The following FOXL2NB variants were observed in gnomAD, a reference collection of about 807,000 sequenced individuals.
FOXL2NB encodes FOXL2 neighbor, also known as FOXL2 neighbor protein.
FOXL2NB carries 10 observed loss-of-function variants against 7.4 expected under a neutral mutation model. The observed-to-expected ratio is 1.34, with a 90% CI of 0.83 to 2.28. The LOEUF (loss-of-function observed/expected upper bound fraction) is 2.28. Ranked by LOEUF, FOXL2NB falls within the 30% of genes most tolerant of loss-of-function variation. FOXL2NB has a pLI of 0.00. For synonymous variants in FOXL2NB, 104 were observed against 105.3 expected (o/e 0.99, Z 0.08); for missense variants, 228 against 233.9 (o/e 0.97, Z 0.17).
In FOXL2NB at chr3:138,950,291, A is replaced by C. The variant is rs1213882943; in HGVS notation, c.247A>C (p.Lys83Gln). ...GCCGGGAATCCTGCAACAGCGGCAG[A>C]AGCCGCCCGCGCCTCGGGCTTCCGG... ...TGPGILQQRQ[K>Q]PPAPRASGGP... is the part of the protein sequence containing the mutation. The change falls in exon 3 of 3, where the codon AAG becomes CAG. Residue 83 changes from lysine (K) to glutamine (Q), a missense_variant. Physicochemically the swap from Lys to Gln is moderately conservative, Grantham distance 53 (BLOSUM62 1). Transcript: ENST00000383165. 6.2e-7 allele frequency: 1 copy of C among 1,605,518 alleles called. No individual in the cohort carries two copies. Among genetic ancestry groups the C allele is most frequent in the Non-Finnish European group, 8.5e-7 (1 of 1,177,896 alleles).
chr3:138,948,675 G>A (rs1936046467), intron 1 of FOXL2NB, among the ~76,000 whole-genome samples: 1 of 152,164 alleles, frequency 6.6e-6, no homozygotes, highest in Non-Finnish European at 1.5e-5. Flanking sequence ...GACTCTGAGG[G>A]TTCTCCTGAA....
Position 138,949,549 on chromosome 3 carries a change from C to A in FOXL2NB, c.130C>A (p.Pro44Thr). 2 of 1,614,130 alleles carry A rather than the reference C, an allele frequency of 1.2e-6. No homozygotes were observed. Among genetic ancestry groups the A allele is most frequent in the Middle Eastern group, 3.3e-4 (2 of 6,060 alleles). The part of the protein sequence containing the change: ...ESPALVKKRM[P>T]DACTLGRAGI... ...CCCAGCCCTGGTGAAGAAGAGGATG[C>A]CTGATGCGTGCACCCTGGGAAGGGC... Residue 44 changes from proline to threonine, a missense_variant, in exon 2 of 3, where the codon CCT (proline) becomes ACT (threonine). Pro to Thr is a conservative substitution (Grantham distance 38). Transcript: ENST00000383165. The surrounding 1 kb of genome is among the most constrained non-coding windows in gnomAD (Gnocchi z 4.5).
rs1477170839 is a variant in FOXL2NB, at chr3:138,952,061, T to C, written c.*1489T>C. On this transcript the variant is annotated 3_prime_UTR_variant, in exon 3 of 3. Transcript: ENST00000383165. Reference sequence around the variant, plus strand: ...GCCATTTGGGGTTATTATAGCTGCATGGCCATGGTGCTGAACCTTAGGCAA... The same window carrying C: ...GCCATTTGGGGTTATTATAGCTGCACGGCCATGGTGCTGAACCTTAGGCAA... 2 of 152,264 alleles carry C rather than the reference T, an allele frequency of 1.3e-5. No individual in the cohort carries two copies. Among genetic ancestry groups the C allele is most frequent in the Admixed American group, 6.5e-5 (1 of 15,288 alleles). The allele number at this position is 152,264 out of a possible 1,614,324, so 9.4% of individuals were successfully genotyped here. A position where few individuals can be genotyped will look rare whatever the true frequency, so the allele number is the denominator to read the frequency against.
In FOXL2NB at chr3:138,949,981, T is replaced by G; in HGVS notation, c.221-284T>G. ...ACGCAGGGCCCCCGGCTTAGTGACC[T>G]TGGGGCGGCGCTCACCTCCAAAGGC... On this transcript the variant is annotated intron_variant, in intron 2 of 2. Transcript: ENST00000383165. The surrounding 1 kb of genome is among the most constrained non-coding windows in gnomAD (Gnocchi z 4.5). 1 of 697,224 alleles carries G rather than the reference T, an allele frequency of 1.4e-6. No homozygotes were observed. Among genetic ancestry groups the G allele is most frequent in the Non-Finnish European group, 2.6e-6 (1 of 383,116 alleles). The allele number at this position is 697,224 out of a possible 1,614,324, so 43.2% of individuals were successfully genotyped here.
At chr3:138,948,070 T>C in intron 1 of FOXL2NB, 2 of 725,652 alleles carry the variant, frequency 2.8e-6, no homozygotes, top group Non-Finnish European at 3.4e-6. Context: ...ATACTGATAG[T>C]TATGTAATAT....
rs1466243869 is a variant in FOXL2NB, at chr3:138,951,335, CTGT to C, written c.*768_*770del. On this transcript the variant is annotated 3_prime_UTR_variant, in exon 3 of 3. Coordinates refer to ENST00000383165, the MANE Select transcript of FOXL2NB (RefSeq NM_001040061.3). Reference sequence around the variant, plus strand: ...AGAACTCACACATGAGAGCTGTTTCCTGTTGTTAAGTGTCTCACTGAGCTCCCC... The same window carrying C: ...AGAACTCACACATGAGAGCTGTTTCCTGTTAAGTGTCTCACTGAGCTCCCC... 1.3e-5 allele frequency: 2 copies of C among 152,226 alleles called. No homozygotes were observed. Among genetic ancestry groups the C allele is most frequent in the Non-Finnish European group, 2.9e-5 (2 of 68,090 alleles). 9.4% of individuals were successfully genotyped at this position (152,226 alleles called of 1,614,324 possible).
rs1040636139 is a variant in FOXL2NB, at chr3:138,950,246, C to T, written c.221-19C>T. On this transcript the variant is annotated intron_variant, in intron 2 of 2. Coordinates refer to ENST00000383165, the MANE Select transcript of FOXL2NB (RefSeq NM_001040061.3). ...GCGAGCAATCTACACGGCTCTGATA[C>T]AGACGCTTTTCTCCCCAGGGCCGGG... 9.4e-6 allele frequency: 15 copies of T among 1,603,644 alleles called. No homozygotes were observed. Among genetic ancestry groups the T allele is most frequent in the African/African-American group, 2.7e-5 (2 of 74,266 alleles).
chr3:138,948,953 C>G (rs1231859736), intron 1 of FOXL2NB, among the ~76,000 whole-genome samples: 2 of 152,218 alleles, frequency 1.3e-5, no homozygotes, highest in Non-Finnish European at 2.9e-5. Flanking sequence ...CTGCACCCAA[C>G]AGACATGGGG....
intron 1 of FOXL2NB, chr3:138,948,055 C>T (rs1936026554): frequency 1.2e-6 from 1 of 831,676 alleles, no homozygotes; most frequent in Non-Finnish European, 1.5e-6. Context: ...AGGTAAAACA[C>T]ACTTATACTG....
At chr3:138,948,827 G>T (rs931250) in intron 1 of FOXL2NB, among the ~76,000 whole-genome samples, 18,719 of 152,184 alleles carry the variant, frequency 0.12, 2,756 homozygotes, top group African/African-American at 0.36. Context: ...TTGGAATTCA[G>T]CATCTTGAAG....
rs1027340563 is a variant in FOXL2NB at position 138,950,997 on chromosome 3, A to G, written c.*425A>G. 4.2e-6 allele frequency: 1 copy of G among 238,840 alleles called. No homozygotes were observed. Among genetic ancestry groups the G allele is most frequent in the Non-Finnish European group, 8.1e-6 (1 of 123,726 alleles). 14.8% of individuals were successfully genotyped at this position (238,840 alleles called of 1,614,324 possible). On this transcript the variant is annotated 3_prime_UTR_variant, in exon 3 of 3. Transcript: ENST00000383165. Reference sequence around the variant, plus strand: ...ACTGGGCTGCCACCTGGGTGTTTTCATGATGGGACTGCCGCACAGACCACA... The same window carrying G: ...ACTGGGCTGCCACCTGGGTGTTTTCGTGATGGGACTGCCGCACAGACCACA...
chr3:138,950,660 G>A lies in FOXL2NB; in HGVS notation c.*88G>A, dbSNP rs1936113407. On this transcript the variant is annotated 3_prime_UTR_variant, in exon 3 of 3. Transcript: ENST00000383165. ...AGGGCCCTTTGCACCCACACCTCAGGGACTCGGTGTCCCTCCACTCAGGTC... is the reference window on the plus strand; with the variant it reads ...AGGGCCCTTTGCACCCACACCTCAGAGACTCGGTGTCCCTCCACTCAGGTC... 3 of 1,403,836 alleles carry A rather than the reference G, an allele frequency of 2.1e-6. No homozygotes were observed. The highest frequency in any genetic ancestry group is 3.0e-6 in the Non-Finnish European group (3 of 1,010,284). 87.0% of individuals were successfully genotyped at this position (1,403,836 alleles called of 1,614,324 possible).
In FOXL2NB at chr3:138,947,430, A is replaced by G; in HGVS notation, c.66A>G (p.Arg22=). The change falls in exon 1 of 3, where the codon CGA becomes CGG. Residue 22 remains arginine, a synonymous_variant. Transcript: ENST00000383165. This position sits in a 1 kb window ranked among gnomAD's most constrained non-coding sequence, Gnocchi z 5.2. ...RPKPRKLGPQ[R]GKALQASSRL... Reference sequence around the variant, plus strand: ...AGCCCAGGAAGCTCGGGCCCCAGCGAGGAAAGGCGCTCCAAGCCTCCTCGC... The same window carrying G: ...AGCCCAGGAAGCTCGGGCCCCAGCGGGGAAAGGCGCTCCAAGCCTCCTCGC... The G allele has an allele frequency of 6.5e-7, 1 of 1,540,214 alleles. No individual in the cohort carries two copies. The highest frequency in any genetic ancestry group is 8.8e-7 in the Non-Finnish European group (1 of 1,140,506).
Position 138,947,874 on chromosome 3 carries a change from AG to A in FOXL2NB, c.100+412del. 1 of 1,000,298 alleles carries A rather than the reference AG, an allele frequency of 1.0e-6. No individual in the cohort carries two copies. Among genetic ancestry groups the A allele is most frequent in the Non-Finnish European group, 1.2e-6 (1 of 840,042 alleles). 62.0% of individuals were successfully genotyped at this position (1,000,298 alleles called of 1,614,324 possible). A position where few individuals can be genotyped will look rare whatever the true frequency, so the allele number is the denominator to read the frequency against. ...TGCCCCTCAGCTATTGCACTAACACAGGCGGGGCTGTTGCCCGGGACTTTGC... is the reference window on the plus strand; with the variant it reads ...TGCCCCTCAGCTATTGCACTAACACAGCGGGGCTGTTGCCCGGGACTTTGC... On this transcript the variant is annotated intron_variant, in intron 1 of 2. Transcript: ENST00000383165. The surrounding 1 kb of genome is among the most constrained non-coding windows in gnomAD (Gnocchi z 5.2).
rs2107749322 is a variant in FOXL2NB at position 138,951,230 on chromosome 3, G to A, written c.*658G>A. ...AGCAAAGTCAGTTACTCACATATGT[G>A]CTTGGGAGAGAATAGGGGAGTGGAG... is the stretch of plus-strand genomic sequence containing the variant. On this transcript the variant is annotated 3_prime_UTR_variant, in exon 3 of 3. Coordinates refer to ENST00000383165, the MANE Select transcript of FOXL2NB (RefSeq NM_001040061.3). 6.6e-6 allele frequency: 1 copy of A among 152,492 alleles called. No homozygotes were observed. The highest frequency in any genetic ancestry group is 6.5e-5 in the Admixed American group (1 of 15,312). The allele number at this position is 152,492 out of a possible 1,614,324, so 9.4% of individuals were successfully genotyped here.
Position 138,952,440 on chromosome 3 carries a change from G to A in FOXL2NB, c.*1868G>A, listed in dbSNP as rs1243795751. 6.7e-6 allele frequency: 1 copy of A among 150,044 alleles called. No individual in the cohort carries two copies. Among genetic ancestry groups the A allele is most frequent in the African/African-American group, 2.5e-5 (1 of 39,744 alleles). The allele number at this position is 150,044 out of a possible 1,614,324, so 9.3% of individuals were successfully genotyped here. On this transcript the variant is annotated 3_prime_UTR_variant, in exon 3 of 3. Transcript: ENST00000383165. ...TTCTACCTTTGGAGATTTTCCTCAT[G>A]CCAAGATAGGGTGTGTGTGTGTGTG... is the stretch of plus-strand genomic sequence containing the variant.
rs1480697131 is a variant in FOXL2NB, at chr3:138,949,346, G to A, written c.101-174G>A. ...CATCACTTCCCTGAATTCCACACTCGGCTCCCTTTTCAGCCTTTAAAGAGC... is the reference window on the plus strand; with the variant it reads ...CATCACTTCCCTGAATTCCACACTCAGCTCCCTTTTCAGCCTTTAAAGAGC... On this transcript the variant is annotated intron_variant, in intron 1 of 2. Coordinates refer to ENST00000383165, the MANE Select transcript of FOXL2NB (RefSeq NM_001040061.3). The surrounding 1 kb of genome is among the most constrained non-coding windows in gnomAD (Gnocchi z 4.5). Among the ~76,000 whole-genome samples, 2 of 151,646 alleles carry A rather than the reference G, an allele frequency of 1.3e-5. No individual in the cohort carries two copies. Among genetic ancestry groups the A allele is most frequent in the East Asian group, 3.9e-4 (2 of 5,180 alleles).
Position 138,952,828 on chromosome 3 carries a change from C to T in FOXL2NB, c.*2256C>T, listed in dbSNP as rs1362156797. 2.0e-5 allele frequency: 3 copies of T among 151,460 alleles called. No individual in the cohort carries two copies. The highest frequency in any genetic ancestry group is 4.4e-5 in the Non-Finnish European group (3 of 67,904). The allele number at this position is 151,460 out of a possible 1,614,324, so 9.4% of individuals were successfully genotyped here. ...ACAGGTGTGAGCCACCATGCCCAGT[C>T]AGTTTTTTATTTTTTATTTAAACAG... On this transcript the variant is annotated 3_prime_UTR_variant, in exon 3 of 3. Transcript: ENST00000383165.
In FOXL2NB at chr3:138,947,407, C is replaced by A. The variant is rs1483177689; in HGVS notation, c.43C>A (p.Pro15Thr). Reference protein sequence around the residue: ...PVGSARTRPKPRKLGPQRGKA... With the variant: ...PVGSARTRPKTRKLGPQRGKA... Reference sequence around the variant, plus strand: ...GGGGTCTGCCCGCACCCGGCCAAAGCCCAGGAAGCTCGGGCCCCAGCGAGG... The same window carrying A: ...GGGGTCTGCCCGCACCCGGCCAAAGACCAGGAAGCTCGGGCCCCAGCGAGG... Residue 15 changes from proline (P) to threonine (T), a missense_variant, in exon 1 of 3, where the codon CCC becomes ACC. Physicochemically the swap from Pro to Thr is conservative, Grantham distance 38. Transcript: ENST00000383165. The surrounding 1 kb of genome is among the most constrained non-coding windows in gnomAD (Gnocchi z 5.2). 82 of 1,548,530 alleles carry A rather than the reference C, an allele frequency of 5.3e-5. No homozygotes were observed. In the Admixed American group the frequency reaches 1.3e-3, roughly 24 times the overall value.
Sources: gnomAD v4.1 joint callset for allele counts (sites outside exome capture counted in the v4.1 genomes callset) on GRCh38, gnomAD v4.1.1 for gene constraint, Gnocchi (gnomAD v3.1) non-coding constraint, MANE v1.5 for transcripts, NCBI Gene and HGNC (gene_info 2026-07-23, HGNC 2026-07-21) for gene names.